HIVEP3: variants seen among roughly 807,000 people sequenced by gnomAD.
HIVEP3 encodes the protein HIVEP zinc finger 3.
In HIVEP3, 49 loss-of-function variants were observed where a neutral mutation model predicts 152.8. The ratio of observed to expected loss-of-function variants is 0.32; its 90% CI spans 0.26 to 0.41. The LOEUF is 0.41. Among genes scored for constraint, HIVEP3 ranks in the 10% least tolerant of loss-of-function variants. The pLI, the probability that HIVEP3 is intolerant of heterozygous loss-of-function variation, is 1.00. For missense variants in HIVEP3, 2,790 were observed against 3,103.3 expected (o/e 0.90, Z 2.40); for synonymous variants, 1,269 against 1,289.0 (o/e 0.98, Z 0.33).
At chr1:41,926,667 C>T (rs893867945) in intron 1 of HIVEP3, among the ~76,000 whole-genome samples, 7 of 151,844 alleles carry the variant, frequency 4.6e-5, no homozygotes, top group South Asian at 2.1e-4. Context: ...CTTCCCCCAT[C>T]GTGAAGTTTT....
At chr1:41,791,935 A>C (rs1223678209) in intron 1 of HIVEP3, among the ~76,000 whole-genome samples, 2 of 151,380 alleles carry the variant, frequency 1.3e-5, no homozygotes, top group Non-Finnish European at 2.9e-5. Flanking sequence ...ATCCCTCCTC[A>C]GACCACCTGG....
At chr1:41,658,774 C>T (rs1570245434) in intron 2 of HIVEP3, among the ~76,000 whole-genome samples, 1 of 152,084 alleles carries the variant, frequency 6.6e-6, no homozygotes, top group Non-Finnish European at 1.5e-5. Context: ...GCTCTGCAGC[C>T]GATCAGGAAC....
At chr1:41,753,413 C>T (rs1647196493) in intron 1 of HIVEP3, among the ~76,000 whole-genome samples, 1 of 152,138 alleles carries the variant, frequency 6.6e-6, no homozygotes, top group Admixed American at 6.5e-5. Flanking sequence ...GTAATCCCAG[C>T]ACTTTGGACT....
Position 41,969,084 on chromosome 1 carries a change from T to G in HIVEP3, n.120-50560A>C, listed in dbSNP as rs570256272. On this transcript the variant is annotated intron_variant and non_coding_transcript_variant, in intron 1 of 3. Transcript: ENST00000489103. ...AGGACAAAAACAGATGGAAAAACATTCCATGTTCATGGATAGGAAGAATCA... is the reference window on the plus strand; with the variant it reads ...AGGACAAAAACAGATGGAAAAACATGCCATGTTCATGGATAGGAAGAATCA... 2.6e-3 allele frequency among the ~76,000 whole-genome samples: 397 copies of G among 152,246 alleles called. 1 individual carries two copies. Among genetic ancestry groups the G allele is most frequent in the African/African-American group, 9.1e-3 (379 of 41,568 alleles).
At chr1:42,017,117 A>T (rs931814215) in intron 1 of HIVEP3, among the ~76,000 whole-genome samples, 1 of 151,996 alleles carries the variant, frequency 6.6e-6, no homozygotes, top group Non-Finnish European at 1.5e-5. Flanking sequence ...TATTTTCCTC[A>T]TGTTGATATT....
chr1:41,531,534 GA>G (rs1643254393), intron 5 of HIVEP3, among the ~76,000 whole-genome samples: 1 of 74,292 alleles, frequency 1.3e-5, no homozygotes, highest in Non-Finnish European at 2.8e-5. Flanking sequence ...AGAGATGGAG[GA>G]CAGGGGAGAT....
intron 7 of HIVEP3, among the ~76,000 whole-genome samples, chr1:41,517,053 G>A (rs752025360): frequency 6.6e-6 from 1 of 152,244 alleles, no homozygotes; most frequent in Non-Finnish European, 1.5e-5. Context: ...CAGAGACTGT[G>A]CCCAGTAATT....
At chr1:41,745,588 G>T (rs1216641321) in intron 1 of HIVEP3, among the ~76,000 whole-genome samples, 1 of 152,178 alleles carries the variant, frequency 6.6e-6, no homozygotes, top group African/African-American at 2.4e-5. Flanking sequence ...GGAGACCCCT[G>T]GAATTCTAAT....
chr1:41,928,590 A>G (rs1644979533), intron 1 of HIVEP3, among the ~76,000 whole-genome samples: 1 of 152,172 alleles, frequency 6.6e-6, no homozygotes, highest in South Asian at 2.1e-4. Flanking sequence ...CCAGGATTCA[A>G]TTCAGGATCC....
At position 41,891,664 on chromosome 1, in the gene HIVEP3, G is replaced by A. The variant is rs114220874; in HGVS notation, c.-801+26749C>T. On this transcript the variant is annotated intron_variant, in intron 1 of 8. Transcript: ENST00000372583. The stretch of plus-strand genomic sequence containing the variant: ...AGGTAAGAAAGGAACCCCTGCTCAC[G>A]GCACTCCCCAGAAGTCCTTGGTAAC... Among the ~76,000 whole-genome samples the A allele has an allele frequency of 7.1e-3, 1,081 of 152,268 alleles. 15 individuals carry two copies. Among genetic ancestry groups the A allele is most frequent in the African/African-American group, 0.025 (1,047 of 41,552 alleles).
rs951634597 is a variant in HIVEP3, at chr1:41,698,321, GTAGAGAC to G, written c.-721+2588_-721+2594del. ...CTGTTCCCTCCTTGTCTCTACCTGGGTAGAGACTAAGTTTATTCATCTCCATCCCAGC... is the reference window on the plus strand; with the variant it reads ...CTGTTCCCTCCTTGTCTCTACCTGGGTAAGTTTATTCATCTCCATCCCAGC... On this transcript the variant is annotated intron_variant, in intron 2 of 8. Transcript: ENST00000372583. Among the ~76,000 whole-genome samples the G allele has an allele frequency of 3.3e-5, 5 of 152,074 alleles. No individual in the cohort carries two copies. In the East Asian group the frequency reaches 9.6e-4, roughly 29 times the overall value.
chr1:41,677,039 C>T (rs981866041), intron 2 of HIVEP3, among the ~76,000 whole-genome samples: 9 of 152,194 alleles, frequency 5.9e-5, no homozygotes, highest in South Asian at 2.1e-4. Flanking sequence ...GAGATCAACA[C>T]GAAAAGGAGT....
intron 1 of HIVEP3, among the ~76,000 whole-genome samples, chr1:41,845,643 A>G (rs1009768339): frequency 8.5e-5 from 13 of 152,222 alleles, no homozygotes; most frequent in Admixed American, 7.9e-4. Flanking sequence ...GATACACATT[A>G]AACTGATATC....
chr1:41,851,799 C>T (rs1458821249), intron 1 of HIVEP3, among the ~76,000 whole-genome samples: 24 of 152,218 alleles, frequency 1.6e-4, no homozygotes, highest in Non-Finnish European at 1.0e-4. Context: ...TGTCGATTTA[C>T]TTCTCAGCTC....
chr1:41,749,823 A>G (rs934295904), intron 1 of HIVEP3, among the ~76,000 whole-genome samples: 19 of 152,254 alleles, frequency 1.2e-4, no homozygotes, highest in Admixed American at 1.3e-4. Flanking sequence ...CACAGGGGAG[A>G]GTGGTGTGGC....
chr1:42,023,745 A>C (rs905252553), intron 1 of HIVEP3, among the ~76,000 whole-genome samples: 2 of 152,212 alleles, frequency 1.3e-5, no homozygotes, highest in African/African-American at 4.8e-5. Context: ...ACCACTGCAG[A>C]AACTGAGCCG....
chr1:41,774,256 G>A (rs1648552990), intron 1 of HIVEP3, among the ~76,000 whole-genome samples: 1 of 152,238 alleles, frequency 6.6e-6, no homozygotes, highest in Admixed American at 6.5e-5. Context: ...TCAGAGCCCA[G>A]AGATGCCACC....
In HIVEP3 at chr1:41,544,609, T is replaced by C. The variant is rs1482871651; in HGVS notation, c.5208-19699A>G. On this transcript the variant is annotated intron_variant, in intron 5 of 8. Transcript: ENST00000372583. ...ACCATCACTACCATCACCACCACCA[T>C]CACCGCCACCACTATCATCGCTACT... 3.8e-3 allele frequency among the ~76,000 whole-genome samples: 477 copies of C among 126,512 alleles called. 5 individuals carry two copies. Among genetic ancestry groups the C allele is most frequent in the Non-Finnish European group, 5.2e-3 (297 of 57,222 alleles). The allele number at this position is 126,512 out of a possible 152,430, so 83.0% of individuals were successfully genotyped here.
chr1:41,635,590 A>AGCTGCAAGCTAAGCTT (rs1209508780), intron 2 of HIVEP3, among the ~76,000 whole-genome samples: 1 of 36,834 alleles, frequency 2.7e-5, no homozygotes. Flanking sequence ...ATACATACAT[A>AGCTGCAAGCTAAGCTT]TACATACGTA....
Sources: allele counts gnomAD v4.1 joint callset (sites outside exome capture counted in the v4.1 genomes callset), GRCh38; gene constraint gnomAD v4.1.1; transcripts MANE v1.5; gene names NCBI Gene and HGNC (gene_info 2026-07-23, HGNC 2026-07-21).